SMYD3: variants seen among roughly 807,000 people sequenced by gnomAD.
SMYD3 encodes the protein histone-lysine N-methyltransferase SMYD3.
In SMYD3, 36 loss-of-function variants were observed where a neutral mutation model predicts 57.7. The ratio of observed to expected loss-of-function variants is 0.62; its 90% CI spans 0.48 to 0.82. The LOEUF (loss-of-function observed/expected upper bound fraction) is 0.82. Ranked by LOEUF, SMYD3 falls within the 40% of genes least tolerant of loss-of-function variation. The probability of loss-of-function intolerance (pLI) is 0.00; values close to 1 mark genes in which losing one functional copy is unlikely to be tolerated. For synonymous variants in SMYD3, 211 were observed against 195.0 expected (o/e 1.08, Z -0.68); for missense variants, 515 against 538.8 (o/e 0.96, Z 0.44).
At chr1:245,837,740 C>G (rs2050174836) in intron 10 of SMYD3, among the ~76,000 whole-genome samples, 1 of 152,088 alleles carries the variant, frequency 6.6e-6, no homozygotes, top group African/African-American at 2.4e-5. Flanking sequence ...TCTAGTCCAC[C>G]CCCGGGGAAT....
intron 1 of SMYD3, among the ~76,000 whole-genome samples, chr1:246,449,125 G>T (rs531793785): frequency 6.6e-6 from 1 of 152,110 alleles, no homozygotes; most frequent in East Asian, 1.9e-4. Context: ...AGCTACTCAG[G>T]GGGGACTGAG....
chr1:246,138,246 C>G (rs1253251920), intron 5 of SMYD3, among the ~76,000 whole-genome samples: 1 of 152,030 alleles, frequency 6.6e-6, no homozygotes, highest in African/African-American at 2.4e-5. Context: ...AAGACACCCT[C>G]TTCGTATATA....
At chr1:245,823,878 G>C (rs1381189203) in intron 10 of SMYD3, among the ~76,000 whole-genome samples, 1 of 152,174 alleles carries the variant, frequency 6.6e-6, no homozygotes, top group East Asian at 1.9e-4. Flanking sequence ...TATGGGGTGG[G>C]CAAAGTTCCC....
intron 5 of SMYD3, among the ~76,000 whole-genome samples, chr1:246,015,554 T>A (rs2148208116): frequency 6.6e-6 from 1 of 152,322 alleles, no homozygotes; most frequent in Admixed American, 6.5e-5. Context: ...ACTTTCTTCA[T>A]CTTCTAAACC....
At chr1:246,358,963 A>G (rs1235018190) in intron 1 of SMYD3, among the ~76,000 whole-genome samples, 1 of 152,126 alleles carries the variant, frequency 6.6e-6, no homozygotes. Context: ...AATAACAAAG[A>G]TCAGAGAAGA....
At chr1:245,964,344 C>T (rs900527698) in intron 5 of SMYD3, among the ~76,000 whole-genome samples, 4 of 152,280 alleles carry the variant, frequency 2.6e-5, no homozygotes, top group Admixed American at 2.0e-4. Flanking sequence ...GACAAAACAT[C>T]CAAACAGTAT....
intron 1 of SMYD3, among the ~76,000 whole-genome samples, chr1:246,390,859 C>A (rs1291225503): frequency 6.6e-6 from 1 of 152,058 alleles, no homozygotes; most frequent in Admixed American, 6.5e-5. Flanking sequence ...GCAACAACAA[C>A]AACAACAACA....
chr1:246,435,095 T>C (rs1371478695), intron 1 of SMYD3, among the ~76,000 whole-genome samples: 2 of 152,156 alleles, frequency 1.3e-5, no homozygotes, highest in Admixed American at 6.5e-5. Flanking sequence ...TTCACACTTA[T>C]AAGTGGGAGC....
chr1:246,468,531 C>T (rs2067913017), intron 1 of SMYD3, among the ~76,000 whole-genome samples: 1 of 151,936 alleles, frequency 6.6e-6, no homozygotes, highest in African/African-American at 2.4e-5. Context: ...ATCCCAGCTA[C>T]TTGACAGGCT....
At chr1:246,341,401 T>G (rs747789121) in intron 2 of SMYD3, among the ~76,000 whole-genome samples, 1 of 152,238 alleles carries the variant, frequency 6.6e-6, no homozygotes. Flanking sequence ...GTAAATTCTT[T>G]TATTAGTTTG....
intron 5 of SMYD3, among the ~76,000 whole-genome samples, chr1:246,115,082 A>G (rs1234404481): frequency 6.6e-6 from 1 of 152,238 alleles, no homozygotes; most frequent in Non-Finnish European, 1.5e-5. Flanking sequence ...AGGGAGACCA[A>G]AAAAGGCTAG....
At chr1:245,889,058 ATTTAACCTC>A (rs1250813491) in intron 8 of SMYD3, among the ~76,000 whole-genome samples, 2 of 152,190 alleles carry the variant, frequency 1.3e-5, no homozygotes, top group Non-Finnish European at 2.9e-5. Flanking sequence ...TTATTGTGAA[ATTTAACCTC>A]TTTCCATATC....
At chr1:246,083,145 T>C (rs2788020) in intron 5 of SMYD3, among the ~76,000 whole-genome samples, 14,610 of 149,306 alleles carry the variant, frequency 0.098, 2,165 homozygotes, top group African/African-American at 0.32. Context: ...GAGGAAGGAA[T>C]GCCTCTTTGC....
chr1:246,192,577 C>T (rs2062755947), intron 5 of SMYD3, among the ~76,000 whole-genome samples: 1 of 151,988 alleles, frequency 6.6e-6, no homozygotes, highest in African/African-American at 2.4e-5. Flanking sequence ...TTTTTAAAGC[C>T]AAGATTCGCA....
intron 5 of SMYD3, among the ~76,000 whole-genome samples, chr1:246,248,635 CCTTTTT>C (rs1374679137): frequency 0.081 from 5,514 of 68,184 alleles, 199 homozygotes; most frequent in African/African-American, 0.18. Context: ...CTCTGACTTT[CCTTTTT>C]TTTTTTTTTT....
chr1:246,466,336 T>C (rs1046787902), intron 1 of SMYD3, among the ~76,000 whole-genome samples: 16 of 152,338 alleles, frequency 1.1e-4, no homozygotes, highest in African/African-American at 3.6e-4. Flanking sequence ...TGGAATACTA[T>C]GCATGCGGCC....
chr1:245,949,825 A>ACCCCCCCCCCCCCCCCCC (rs376505931), intron 5 of SMYD3, among the ~76,000 whole-genome samples: 6 of 93,298 alleles, frequency 6.4e-5, no homozygotes, highest in Admixed American at 1.1e-4. Flanking sequence ...AAAGAAACCC[A>ACCCCCCCCCCCCCCCCCC]CCCCCCCCAC....
intron 5 of SMYD3, among the ~76,000 whole-genome samples, chr1:246,285,722 G>GA (rs1429006930): frequency 6.6e-6 from 1 of 152,158 alleles, no homozygotes; most frequent in Non-Finnish European, 1.5e-5. Context: ...CAGAATGGGA[G>GA]AAAATCTTCA....
chr1:246,383,769 TA>T (rs2148755900), intron 1 of SMYD3, among the ~76,000 whole-genome samples: 1 of 152,276 alleles, frequency 6.6e-6, no homozygotes, highest in Non-Finnish European at 1.5e-5. Flanking sequence ...CTACCAAAGT[TA>T]ACAAATAACT....
Sources: allele counts gnomAD v4.1 joint callset (sites outside exome capture counted in the v4.1 genomes callset), GRCh38; gene constraint gnomAD v4.1.1; transcripts MANE v1.5; gene names NCBI Gene and HGNC (gene_info 2026-07-23, HGNC 2026-07-21).